MS4A3: variants seen among roughly 807,000 people sequenced by gnomAD.
MS4A3 encodes membrane-spanning 4-domains subfamily A member 3.
Under a neutral mutation model 24.7 loss-of-function variants are expected in MS4A3, and 18 were observed. The observed-to-expected ratio is 0.73, with a 90% confidence interval of 0.50 to 1.08. MS4A3 has a LOEUF of 1.08. Ranked by LOEUF, MS4A3 falls within the 50% of genes least tolerant of loss-of-function variation. The pLI is 0.00. For missense variants in MS4A3, 282 were observed against 251.7 expected (o/e 1.12, Z -0.82); for synonymous variants, 84 against 95.3 (o/e 0.88, Z 0.69).
At chr11:60,067,872 C>A (rs1855394379) in intron 5 of MS4A3, among the ~76,000 whole-genome samples, 1 of 151,398 alleles carries the variant, frequency 6.6e-6, no homozygotes. Flanking sequence ...ATGGTGAAAC[C>A]CCGTCTCTAC....
At chr11:60,063,626 G>A (rs1444122311) in intron 3 of MS4A3, among the ~76,000 whole-genome samples, 1 of 152,182 alleles carries the variant, frequency 6.6e-6, no homozygotes, top group East Asian at 1.9e-4. Context: ...TTACTCTGCT[G>A]ACTGTTCCTT....
chr11:60,069,703 C>G, intron 6 of MS4A3, 28 bp downstream of exon 6: 1 of 1,517,028 alleles, frequency 6.6e-7, no homozygotes, highest in Non-Finnish European at 9.2e-7. Context: ...ATTAATCATT[C>G]ACATGATCTC....
At chr11:60,068,109 A>G (rs1855402193) in intron 5 of MS4A3, among the ~76,000 whole-genome samples, 1 of 152,070 alleles carries the variant, frequency 6.6e-6, no homozygotes, top group Non-Finnish European at 1.5e-5. Context: ...TTAATAAAAC[A>G]AACTTGAGAG....
intron 6 of MS4A3, 85 bp from the exon 7 acceptor site, chr11:60,070,119 A>G: frequency 1.7e-6 from 2 of 1,168,188 alleles, no homozygotes; most frequent in Admixed American, 1.8e-5. Context: ...TTTATTGTTG[A>G]TGATTATGAT....
At chr11:60,061,031 G>T in intron 1 of MS4A3, 115 bp from the exon 2 acceptor site, 3 of 865,266 alleles carry the variant, frequency 3.5e-6, no homozygotes, top group Non-Finnish European at 5.1e-6. Flanking sequence ...TGTCCCATTT[G>T]TGGAGAGTCA....
intron 6 of MS4A3, among the ~76,000 whole-genome samples, chr11:60,069,894 T>C (rs1343785781): frequency 1.3e-5 from 2 of 152,234 alleles, no homozygotes; most frequent in African/African-American, 4.8e-5. Flanking sequence ...TATAAGAGCA[T>C]ACTTTCTTAT....
chr11:60,064,347 T>A (rs1216632625), intron 4 of MS4A3, 29 bp downstream of exon 4: 14 of 1,516,172 alleles, frequency 9.2e-6, no homozygotes, highest in East Asian at 4.6e-5. Context: ...TTTTCTATGA[T>A]CAGAGGAGTA....
chr11:60,057,950 A>G (rs753051954), intron 1 of MS4A3, among the ~76,000 whole-genome samples: 52 of 152,264 alleles, frequency 3.4e-4, no homozygotes, highest in Non-Finnish European at 6.2e-4. Context: ...CTTGGGCTGG[A>G]CCAAAAGTCT....
At chr11:60,068,408 T>A (rs1855410987) in intron 5 of MS4A3, among the ~76,000 whole-genome samples, 1 of 145,270 alleles carries the variant, frequency 6.9e-6, no homozygotes, top group South Asian at 2.2e-4. Flanking sequence ...CCCGGCTAAT[T>A]GTTTTTTTTT....
In MS4A3 at chr11:60,069,622, A is replaced by C; in HGVS notation, c.562A>C (p.Thr188Pro). Residue 188 changes from threonine to proline, a missense_variant, in exon 6 of 7, where the codon ACC becomes CCC. Thr to Pro is a conservative substitution (Grantham distance 38). Transcript: ENST00000278865. ...TCTCACCTTGCTGGAATTATGCGTA[A>C]CCATCTCTACCATAGCCATGTGGTG... is the stretch of plus-strand genomic sequence containing the variant. ...LILTLLELCV[T>P]ISTIAMWCNA... The C allele has an allele frequency of 6.2e-7, 1 of 1,613,800 alleles. No individual in the cohort carries two copies. The highest frequency in any genetic ancestry group is 2.2e-5 in the East Asian group (1 of 44,858).
intron 5 of MS4A3, among the ~76,000 whole-genome samples, chr11:60,067,524 A>T (rs1159325924): frequency 6.6e-6 from 1 of 151,998 alleles, no homozygotes; most frequent in Admixed American, 6.6e-5. Context: ...CCATAATTTG[A>T]ATCTTGGGTC....
chr11:60,067,943 T>C (rs911481245), intron 5 of MS4A3, among the ~76,000 whole-genome samples: 18 of 151,538 alleles, frequency 1.2e-4, no homozygotes, highest in Admixed American at 2.6e-4. Flanking sequence ...TCCCAGCTAC[T>C]TGGGAGGCTG....
chr11:60,069,421 C>T, intron 5 of MS4A3, 153 bp from the exon 6 acceptor site: 1 of 575,772 alleles, frequency 1.7e-6, no homozygotes, highest in Non-Finnish European at 3.1e-6. Flanking sequence ...ACTATCTCTT[C>T]TACAGTGTTA....
intron 1 of MS4A3, 89 bp from the exon 2 acceptor site, chr11:60,061,057 A>C (rs1855264076): frequency 2.6e-6 from 3 of 1,172,520 alleles, no homozygotes; most frequent in Admixed American, 5.4e-5. Flanking sequence ...ATGTATGGAC[A>C]GAATTGAACC....
At chr11:60,067,829 C>T (rs1024748417) in intron 5 of MS4A3, among the ~76,000 whole-genome samples, 6 of 151,278 alleles carry the variant, frequency 4.0e-5, no homozygotes, top group African/African-American at 1.2e-4. Flanking sequence ...AGGCGGATCA[C>T]GAGGTCGAGA....
At chr11:60,062,421 C>T (rs375899933) in intron 2 of MS4A3, 47 bp from the exon 3 acceptor site, 3 of 1,608,328 alleles carry the variant, frequency 1.9e-6, no homozygotes, top group Non-Finnish European at 2.5e-6. Flanking sequence ...TTTCAGTGTC[C>T]ACTTTAGTAT....
chr11:60,061,478 C>G (rs1326160339), intron 2 of MS4A3, 162 bp downstream of exon 2: 1 of 795,212 alleles, frequency 1.3e-6, no homozygotes. Flanking sequence ...TGCTCTCCCT[C>G]TTCTTCCTCA....
chr11:60,062,581 C>T lies in MS4A3; in HGVS notation c.270C>T (p.Gly90=). The T allele has an allele frequency of 6.2e-7, 1 of 1,614,080 alleles. No homozygotes were observed. The highest frequency in any genetic ancestry group is 1.1e-5 in the South Asian group (1 of 91,084). ...TCTTTTTCTTCACCTTCTACACAGG[C>T]TACCCGATTTGGGGTGCTGTGTTTG... is the stretch of plus-strand genomic sequence containing the variant. ...KHFFFFTFYT[G]YPIWGAVFFC... is the part of the protein sequence containing the mutation. The change falls in exon 3 of 7, where the codon GGC becomes GGT. Residue 90 remains glycine, a synonymous_variant. Transcript: ENST00000278865.
chr11:60,061,529 G>C, intron 2 of MS4A3: 1 of 646,108 alleles, frequency 1.5e-6, no homozygotes, highest in African/African-American at 1.8e-5. Flanking sequence ...AGACCTTTAT[G>C]ATAATCTACT....
Sources: allele counts gnomAD v4.1 joint callset (sites outside exome capture counted in the v4.1 genomes callset), GRCh38; gene constraint gnomAD v4.1.1; transcripts MANE v1.5; gene names NCBI Gene and HGNC (gene_info 2026-07-23, HGNC 2026-07-21).